PCDHA6: variants seen among roughly 807,000 people sequenced by gnomAD.
PCDHA6 encodes the protein protocadherin alpha 6, also known as protocadherin alpha-6.
Under a neutral mutation model 60.3 loss-of-function variants are expected in PCDHA6, and 55 were observed. The ratio of observed to expected loss-of-function variants is 0.91; its 90% CI spans 0.73 to 1.14. PCDHA6 has a LOEUF of 1.14. Ranked by LOEUF, PCDHA6 falls within the 50% of genes most tolerant of loss-of-function variation. PCDHA6 has a pLI of 0.00. For synonymous variants in PCDHA6, 652 were observed against 557.9 expected (o/e 1.17, Z -2.38); for missense variants, 1,327 against 1,256.5 (o/e 1.06, Z -0.85).
chr5:140,916,602 C>T (rs1554197542), intron 1 of PCDHA6, among the ~76,000 whole-genome samples: 2 of 152,240 alleles, frequency 1.3e-5, no homozygotes, highest in African/African-American at 2.4e-5. Context: ...GCCTGGAATG[C>T]GGGCCTCATG....
chr5:140,989,788 G>A (rs2097360346), intron 3 of PCDHA6, among the ~76,000 whole-genome samples: 2 of 152,158 alleles, frequency 1.3e-5, no homozygotes, highest in Admixed American at 1.3e-4. Context: ...GAGACTAGAG[G>A]CCCCCAGGAA....
At chr5:140,890,738 A>G (rs1283898948) in intron 1 of PCDHA6, among the ~76,000 whole-genome samples, 1 of 152,200 alleles carries the variant, frequency 6.6e-6, no homozygotes. Context: ...TGACTTATAT[A>G]CTATTTCTGT....
chr5:140,877,776 C>A (rs2057336039), intron 1 of PCDHA6: 3 of 1,614,032 alleles, frequency 1.9e-6, no homozygotes, highest in South Asian at 1.1e-5. Context: ...CCAAGACGGA[C>A]CTCATGGCCT....
chr5:140,849,480 C>G (rs1554142971), intron 1 of PCDHA6: 1 of 1,590,328 alleles, frequency 6.3e-7, no homozygotes, highest in African/African-American at 1.4e-5. Context: ...AGGCTTCCCA[C>G]CCCTGGCTGG....
intron 3 of PCDHA6, among the ~76,000 whole-genome samples, chr5:141,000,395 C>A (rs664650): frequency 0.072 from 3,868 of 53,704 alleles, 168 homozygotes; most frequent in Non-Finnish European, 0.081. Flanking sequence ...CTCTCTCTCT[C>A]TATATATATA....
chr5:140,901,333 T>C (rs1370254894), intron 1 of PCDHA6, among the ~76,000 whole-genome samples: 1 of 152,200 alleles, frequency 6.6e-6, no homozygotes, highest in East Asian at 1.9e-4. Flanking sequence ...TTGTAGTCGT[T>C]TTATAGTTTG....
intron 1 of PCDHA6, chr5:140,876,444 T>A (rs1554168564): frequency 6.2e-7 from 1 of 1,613,996 alleles, no homozygotes; most frequent in Non-Finnish European, 8.5e-7. Context: ...ACGCCATTGA[T>A]AAAGGGATTC....
chr5:140,917,777 T>C (rs913092177), intron 1 of PCDHA6, among the ~76,000 whole-genome samples: 7 of 152,214 alleles, frequency 4.6e-5, no homozygotes, highest in Non-Finnish European at 1.0e-4. Context: ...ATTAGTACCA[T>C]GTTGTTTTGG....
rs2150316102 is a variant in PCDHA6 at position 140,841,467 on chromosome 5, C to T, written c.2394+10982C>T. On this transcript the variant is annotated intron_variant, in intron 1 of 3. Coordinates refer to ENST00000529310, the MANE Select transcript of PCDHA6 (RefSeq NM_018909.4). Reference sequence around the variant, plus strand: ...CACGGCACCTTCGTGGGCCGGATCGCGCAGGACCTGGGGCTGGAGCTGGCG... The same window carrying T: ...CACGGCACCTTCGTGGGCCGGATCGTGCAGGACCTGGGGCTGGAGCTGGCG... The T allele has an allele frequency of 2.4e-5, 39 of 1,612,946 alleles. 1 individual carries two copies. In the South Asian group the frequency reaches 4.0e-4, roughly 16 times the overall value.
At chr5:140,871,015 G>C in intron 1 of PCDHA6, 1 of 1,613,244 alleles carries the variant, frequency 6.2e-7, no homozygotes, top group Non-Finnish European at 8.5e-7. Context: ...TGCCCTGGAC[G>C]AGGCAGACTC....
Position 140,843,367 on chromosome 5 carries a change from G to A in PCDHA6, c.2394+12882G>A, listed in dbSNP as rs2150358389. The stretch of plus-strand genomic sequence containing the variant: ...AGGCTCCAAAAGCGTCATCGAGGCA[G>A]TCGGCTGGCGTTTTGGGTCCGGAAG... On this transcript the variant is annotated intron_variant, in intron 1 of 3. Coordinates refer to ENST00000529310, the MANE Select transcript of PCDHA6 (RefSeq NM_018909.4). 3 of 1,596,142 alleles carry A rather than the reference G, an allele frequency of 1.9e-6. No homozygotes were observed. In the East Asian group the frequency reaches 6.7e-5, roughly 36 times the overall value.
Position 140,832,155 on chromosome 5 carries a change from G to A in PCDHA6, c.2394+1670G>A, listed in dbSNP as rs139131870. Reference sequence around the variant, plus strand: ...AAGTTGAAAATTGAATTAAGACTTGGACAGTGGAAAAGTTTTATGAATTCA... The same window carrying A: ...AAGTTGAAAATTGAATTAAGACTTGAACAGTGGAAAAGTTTTATGAATTCA... On this transcript the variant is annotated intron_variant, in intron 1 of 3. Transcript: ENST00000529310. Among the ~76,000 whole-genome samples the A allele has an allele frequency of 1.4e-3, 211 of 152,314 alleles. 2 individuals are homozygous for A. The highest frequency in any genetic ancestry group is 4.6e-3 in the African/African-American group (192 of 41,574).
Position 140,877,726 on chromosome 5 carries a change from C to G in PCDHA6, c.2394+47241C>G, listed in dbSNP as rs781814794. On this transcript the variant is annotated intron_variant, in intron 1 of 3. Coordinates refer to ENST00000529310, the MANE Select transcript of PCDHA6 (RefSeq NM_018909.4). ...CGCCGTGGGGAGTTGGTCTTACTCGCAGCAGAGGAGGCAGAGGGTGTGCTC... is the reference window on the plus strand; with the variant it reads ...CGCCGTGGGGAGTTGGTCTTACTCGGAGCAGAGGAGGCAGAGGGTGTGCTC... 30 of 1,614,056 alleles carry G rather than the reference C, an allele frequency of 1.9e-5. No homozygotes were observed. In the African/African-American group the frequency reaches 3.7e-4, roughly 20 times the overall value.
At chr5:140,914,596 C>G (rs1454753124) in intron 1 of PCDHA6, among the ~76,000 whole-genome samples, 1 of 152,128 alleles carries the variant, frequency 6.6e-6, no homozygotes, top group Non-Finnish European at 1.5e-5. Context: ...TAAGTAGGAA[C>G]TTCCTCCTGC....
chr5:140,911,147 C>T (rs978714342), intron 1 of PCDHA6, among the ~76,000 whole-genome samples: 6 of 152,218 alleles, frequency 3.9e-5, no homozygotes, highest in Non-Finnish European at 8.8e-5. Context: ...GGTTTTTCTC[C>T]TCAGACAAAT....
chr5:140,928,563 T>C lies in PCDHA6; in HGVS notation c.2395-50386T>C, dbSNP rs138980511. 9.3e-4 allele frequency: 1,498 copies of C among 1,614,116 alleles called. 1 individual carries two copies. Among genetic ancestry groups the C allele is most frequent in the Non-Finnish European group, 1.2e-3 (1,397 of 1,180,050 alleles). On this transcript the variant is annotated intron_variant, in intron 1 of 3. Coordinates refer to ENST00000529310, the MANE Select transcript of PCDHA6 (RefSeq NM_018909.4). ...ATGACAATTATCCGGTTATCTTGTT[T>C]CCCTTGCCCAGAAATGGTTCTGTCC...
intron 1 of PCDHA6, among the ~76,000 whole-genome samples, chr5:140,959,833 T>C (rs539062460): frequency 1.3e-5 from 2 of 152,366 alleles, no homozygotes; most frequent in East Asian, 3.9e-4. Context: ...TAATGTATTA[T>C]GCCTGTAACT....
chr5:140,984,971 T>A (rs1437915679), intron 3 of PCDHA6, among the ~76,000 whole-genome samples: 1 of 152,080 alleles, frequency 6.6e-6, no homozygotes, highest in East Asian at 1.9e-4. Flanking sequence ...AGAGTCTCGC[T>A]CTGTCCCCCA....
At chr5:140,931,884 T>A (rs1554208638) in intron 1 of PCDHA6, among the ~76,000 whole-genome samples, 1 of 151,972 alleles carries the variant, frequency 6.6e-6, no homozygotes, top group Non-Finnish European at 1.5e-5. Flanking sequence ...ATTGCTTTCA[T>A]TTTATTTCAA....
Sources: gnomAD v4.1 joint callset for allele counts (sites outside exome capture counted in the v4.1 genomes callset) on GRCh38, gnomAD v4.1.1 for gene constraint, MANE v1.5 for transcripts, NCBI Gene and HGNC (gene_info 2026-07-23, HGNC 2026-07-21) for gene names.